The following GRID2 variants were observed in gnomAD, a reference collection of about 807,000 sequenced individuals.
GRID2 encodes glutamate receptor ionotropic, delta-2.
Under a neutral mutation model 114.8 loss-of-function variants are expected in GRID2, and 33 were observed. That is an observed-to-expected ratio of 0.29 (90% CI 0.22 to 0.38). The LOEUF (loss-of-function observed/expected upper bound fraction) is 0.38. Among genes scored for constraint, GRID2 ranks in the 10% least tolerant of loss-of-function variants. The pLI is 1.00. For missense variants in GRID2, 1,184 were observed against 1,257.7 expected (o/e 0.94, Z 0.89); for synonymous variants, 505 against 449.9 (o/e 1.12, Z -1.55).
intron 1 of GRID2, among the ~76,000 whole-genome samples, chr4:92,584,575 T>G (rs544267290): frequency 5.5e-4 from 84 of 152,146 alleles, no homozygotes; most frequent in African/African-American, 1.9e-3. Flanking sequence ...GAATTAAATT[T>G]CATGTAAAAC....
At chr4:93,213,128 A>C (rs530398318) in intron 5 of GRID2, among the ~76,000 whole-genome samples, 2 of 152,204 alleles carry the variant, frequency 1.3e-5, no homozygotes, top group African/African-American at 4.8e-5. Context: ...TGTGTAATGG[A>C]TGTTTTTAAT....
chr4:92,715,373 CCTT>C (rs1735487992), intron 2 of GRID2, among the ~76,000 whole-genome samples: 2 of 152,182 alleles, frequency 1.3e-5, no homozygotes, highest in Non-Finnish European at 2.9e-5. Context: ...CATTTTCCTG[CCTT>C]CTTCTGAGCC....
At chr4:92,693,547 T>C (rs1734283642) in intron 2 of GRID2, among the ~76,000 whole-genome samples, 1 of 152,222 alleles carries the variant, frequency 6.6e-6, no homozygotes, top group Non-Finnish European at 1.5e-5. Flanking sequence ...CATTCACTCA[T>C]TTAATCTTTA....
intron 11 of GRID2, among the ~76,000 whole-genome samples, chr4:93,486,224 T>A (rs1480162398): frequency 6.6e-6 from 1 of 151,640 alleles, no homozygotes; most frequent in African/African-American, 2.4e-5. Context: ...AGCTGATAAC[T>A]AATTTATTAA....
chr4:93,260,606 T>C (rs2149548692), intron 8 of GRID2, among the ~76,000 whole-genome samples: 1 of 151,904 alleles, frequency 6.6e-6, no homozygotes, highest in East Asian at 1.9e-4. Context: ...ATTTGGTCTT[T>C]GCAAAACACT....
Position 93,110,604 on chromosome 4 carries a change from G to A in GRID2, c.530-144G>A. On this transcript the variant is annotated intron_variant, in intron 3 of 15. Transcript: ENST00000282020. Reference sequence around the variant, plus strand: ...AATGTACCAAACCTTAAACATACTTGAGAGTTCCGTCAGCTACTCAGTTGG... The same window carrying A: ...AATGTACCAAACCTTAAACATACTTAAGAGTTCCGTCAGCTACTCAGTTGG... 4.6e-6 allele frequency: 3 copies of A among 657,000 alleles called. No individual in the cohort carries two copies. In the South Asian group the frequency reaches 5.5e-5, roughly 12 times the overall value. The allele number at this position is 657,000 out of a possible 1,614,324, so 40.7% of individuals were successfully genotyped here. A position where few individuals can be genotyped will look rare whatever the true frequency, so the allele number is the denominator to read the frequency against.
At chr4:92,411,809 C>G in intron 1 of GRID2, among the ~76,000 whole-genome samples, 1 of 151,290 alleles carries the variant, frequency 6.6e-6, no homozygotes, top group East Asian at 1.9e-4. Context: ...GGGTTCACGC[C>G]ATTCTCCTGC....
chr4:92,389,528 G>A (rs1200515784), intron 1 of GRID2, among the ~76,000 whole-genome samples: 1 of 151,712 alleles, frequency 6.6e-6, no homozygotes, highest in Non-Finnish European at 1.5e-5. Context: ...ATCTAATTGA[G>A]TCTACTTCCA....
chr4:92,850,155 A>G (rs1743663598), intron 2 of GRID2, among the ~76,000 whole-genome samples: 1 of 151,332 alleles, frequency 6.6e-6, no homozygotes, highest in Non-Finnish European at 1.5e-5. Flanking sequence ...CTAAGAAATC[A>G]TTGTTTTTCT....
chr4:92,707,304 AAT>A, intron 2 of GRID2, among the ~76,000 whole-genome samples: 1 of 152,324 alleles, frequency 6.6e-6, no homozygotes, highest in Non-Finnish European at 1.5e-5. Flanking sequence ...CTTTGGTAGA[AAT>A]ATATAGATTC....
At chr4:93,788,052 C>T (rs1176822365) in intron 1 of GRID2, among the ~76,000 whole-genome samples, 1 of 152,128 alleles carries the variant, frequency 6.6e-6, no homozygotes, top group Non-Finnish European at 1.5e-5. Context: ...CGCGGTGGCT[C>T]ACGTCTGTAA....
chr4:93,318,617 A>C (rs1401255425), intron 8 of GRID2: 1 of 152,010 alleles, frequency 6.6e-6, no homozygotes, highest in Non-Finnish European at 1.5e-5. Flanking sequence ...ATGATCACAT[A>C]GTATCTTTTT....
chr4:93,028,951 G>T (rs918602268), intron 2 of GRID2, among the ~76,000 whole-genome samples: 1 of 152,028 alleles, frequency 6.6e-6, no homozygotes, highest in African/African-American at 2.4e-5. Flanking sequence ...AATACAAGCA[G>T]AGCAGGAGAA....
chr4:92,785,006 G>A (rs1339507574), intron 2 of GRID2, among the ~76,000 whole-genome samples: 1 of 150,286 alleles, frequency 6.7e-6, no homozygotes, highest in Admixed American at 6.7e-5. Flanking sequence ...ATGTGGAAAA[G>A]TTAGTGTCTG....
At chr4:93,563,191 C>T (rs1276326388) in intron 13 of GRID2, among the ~76,000 whole-genome samples, 1 of 151,982 alleles carries the variant, frequency 6.6e-6, no homozygotes, top group East Asian at 1.9e-4. Flanking sequence ...ATGCAAGTTT[C>T]TAAATCTATA....
At chr4:93,672,985 A>G (rs1371633825) in intron 14 of GRID2, among the ~76,000 whole-genome samples, 1 of 152,184 alleles carries the variant, frequency 6.6e-6, no homozygotes, top group Non-Finnish European at 1.5e-5. Flanking sequence ...ATTTTGTGTA[A>G]TATCTTTAAA....
At chr4:93,592,744 T>A (rs1361853462) in intron 13 of GRID2, among the ~76,000 whole-genome samples, 1 of 152,220 alleles carries the variant, frequency 6.6e-6, no homozygotes, top group East Asian at 1.9e-4. Context: ...GGTGCTCATG[T>A]ATTGGGTGCA....
chr4:92,596,390 G>A (rs1382412407), intron 2 of GRID2, among the ~76,000 whole-genome samples: 1 of 152,072 alleles, frequency 6.6e-6, no homozygotes, highest in Non-Finnish European at 1.5e-5. Context: ...AGTGGAAGGA[G>A]CAAATCGTGT....
At chr4:92,648,857 T>G (rs1731773035) in intron 2 of GRID2, among the ~76,000 whole-genome samples, 1 of 147,622 alleles carries the variant, frequency 6.8e-6, no homozygotes, top group Admixed American at 6.7e-5. Flanking sequence ...AGATAAAAAT[T>G]AAGTTGTCAA....
Sources: gnomAD v4.1 joint callset for allele counts (sites outside exome capture counted in the v4.1 genomes callset) on GRCh38, gnomAD v4.1.1 for gene constraint, MANE v1.5 for transcripts, NCBI Gene and HGNC (gene_info 2026-07-23, HGNC 2026-07-21) for gene names.